LRRK2: variants seen among roughly 807,000 people sequenced by gnomAD.
LRRK2 encodes the protein leucine rich repeat kinase 2.
LRRK2 carries 203 observed loss-of-function variants against 302.6 expected under a neutral mutation model. That is an observed-to-expected ratio of 0.67 (90% confidence interval 0.60 to 0.75). The LOEUF is 0.75. Among genes scored for constraint, LRRK2 ranks in the 30% least tolerant of loss-of-function variants. LRRK2 has a pLI of 0.00. For missense variants in LRRK2, 2,830 were observed against 2,951.0 expected, an observed-to-expected ratio of 0.96 and a Z score of 0.95; for synonymous variants, 1,066 against 1,031.9, an observed-to-expected ratio of 1.03 and a Z score of -0.63.
chr12:40,359,430 A>C lies in LRRK2; in HGVS notation c.7014A>C (p.Thr2338=). The change falls in exon 47 of 51, where the codon ACA becomes ACC. Residue 2338 remains threonine, a synonymous_variant. Coordinates refer to ENST00000298910, the MANE Select transcript of LRRK2 (RefSeq NM_198578.4). ...NDFTIQKLIE[T]RTSQLFSYAA... ...TCACCATTCAGAAACTCATTGAGACAAGAACAAGCCAACTGTAAGTTATTT... is the reference window on the plus strand; with the variant it reads ...TCACCATTCAGAAACTCATTGAGACCAGAACAAGCCAACTGTAAGTTATTT... The C allele has an allele frequency of 6.2e-7, 1 of 1,613,148 alleles. No individual in the cohort carries two copies. Among genetic ancestry groups the C allele is most frequent in the Non-Finnish European group, 8.5e-7 (1 of 1,179,438 alleles).
intron 11 of LRRK2, among the ~76,000 whole-genome samples, chr12:40,256,305 C>A (rs1403758813): frequency 6.6e-6 from 1 of 152,000 alleles, no homozygotes; most frequent in Admixed American, 6.6e-5. Flanking sequence ...AAAAATTAGC[C>A]AGGCATGGTG....
chr12:40,251,183 A>G lies in LRRK2; in HGVS notation c.959-49A>G. The G allele has an allele frequency of 2.4e-6, 3 of 1,255,320 alleles. No homozygotes were observed. The South Asian group carries it at 4.2e-5, about 17-fold the overall frequency. 77.8% of individuals were successfully genotyped at this position (1,255,320 alleles called of 1,614,324 possible). On this transcript the variant is annotated intron_variant, in intron 8 of 50. Transcript: ENST00000298910. ...GGACTTAGAGTTGGTCAAACTGTTAAGTAGATAATATATATAATGTTTTTA... is the reference window on the plus strand; with the variant it reads ...GGACTTAGAGTTGGTCAAACTGTTAGGTAGATAATATATATAATGTTTTTA...
chr12:40,239,392 G>A lies in LRRK2; in HGVS notation c.572-1091G>A, dbSNP rs1021748541. 3.9e-5 allele frequency among the ~76,000 whole-genome samples: 6 copies of A among 152,106 alleles called. No individual in the cohort carries two copies. In the East Asian group the frequency reaches 1.2e-3, roughly 29 times the overall value. On this transcript the variant is annotated intron_variant, in intron 5 of 50. Transcript: ENST00000298910. ...CGATGACAATTAGGATAAAGTTTGA[G>A]GTTCTATTGTCTTGCAGGGTCTGTA...
intron 14 of LRRK2, among the ~76,000 whole-genome samples, chr12:40,271,523 A>G (rs1441268728): frequency 6.6e-6 from 1 of 152,176 alleles, no homozygotes; most frequent in Non-Finnish European, 1.5e-5. Flanking sequence ...TTCTGTTGGC[A>G]TCTCCAGAGT....
At chr12:40,277,219 A>G (rs1219193981) in intron 16 of LRRK2, among the ~76,000 whole-genome samples, 1 of 152,200 alleles carries the variant, frequency 6.6e-6, no homozygotes, top group Non-Finnish European at 1.5e-5. Context: ...ACTAAAGTCA[A>G]AAGCCCAATC....
chr12:40,234,307 A>G (rs2136404039), intron 3 of LRRK2, among the ~76,000 whole-genome samples: 1 of 150,994 alleles, frequency 6.6e-6, no homozygotes, highest in South Asian at 2.1e-4. Flanking sequence ...TTTTGGGATT[A>G]ATAACATAGG....
intron 44 of LRRK2, among the ~76,000 whole-genome samples, chr12:40,352,715 C>A (rs1013155060): frequency 3.3e-5 from 5 of 150,254 alleles, no homozygotes; most frequent in African/African-American, 9.8e-5. Flanking sequence ...CATCTTGCAC[C>A]GCCCTTAATC....
At chr12:40,260,717 A>G (rs763413724) in intron 13 of LRRK2, among the ~76,000 whole-genome samples, 5 of 152,168 alleles carry the variant, frequency 3.3e-5, no homozygotes, top group Non-Finnish European at 5.9e-5. Flanking sequence ...ACTAGATACA[A>G]GGAGATTGGG....
intron 44 of LRRK2, among the ~76,000 whole-genome samples, chr12:40,353,441 C>A (rs565933709): frequency 2.0e-5 from 3 of 150,670 alleles, no homozygotes; most frequent in Non-Finnish European, 3.0e-5. Flanking sequence ...CGGGCAGAGC[C>A]GCTCATCACT....
chr12:40,336,603 T>C (rs183899359), intron 40 of LRRK2, among the ~76,000 whole-genome samples: 85 of 152,342 alleles, frequency 5.6e-4, no homozygotes, highest in Admixed American at 1.4e-3. Flanking sequence ...ACTTTCCTTC[T>C]CTTCTTTCTC....
At chr12:40,226,964 G>A (rs1268193436) in intron 2 of LRRK2, among the ~76,000 whole-genome samples, 1 of 152,048 alleles carries the variant, frequency 6.6e-6, no homozygotes, top group Non-Finnish European at 1.5e-5. Context: ...CTGGGTAGGC[G>A]TTTTGGTCTG....
chr12:40,322,585 A>T (rs890125812), intron 37 of LRRK2, 75 bp downstream of exon 37: 1 of 1,331,160 alleles, frequency 7.5e-7, no homozygotes, highest in Non-Finnish European at 1.1e-6. Context: ...AATAAATGTA[A>T]ATATTCTTAT....
chr12:40,243,705 A>T (rs770840268), intron 7 of LRRK2, 24 bp downstream of exon 7: 16 of 1,605,866 alleles, frequency 1.0e-5, no homozygotes, highest in Non-Finnish European at 1.3e-5. Flanking sequence ...TTAATATGTC[A>T]TCACACACTG....
At chr12:40,259,437 T>C in intron 12 of LRRK2, 43 bp from the exon 13 acceptor site, 1 of 1,611,482 alleles carries the variant, frequency 6.2e-7, no homozygotes, top group Non-Finnish European at 8.5e-7. Flanking sequence ...TACCATTGAA[T>C]CAGATCAGTC....
At chr12:40,265,144 A>G (rs1942952482) in intron 14 of LRRK2, among the ~76,000 whole-genome samples, 1 of 152,204 alleles carries the variant, frequency 6.6e-6, no homozygotes, top group Non-Finnish European at 1.5e-5. Flanking sequence ...ACTTTAATAC[A>G]ATCCTTGAGT....
chr12:40,247,672 A>T (rs1189550112), intron 7 of LRRK2, among the ~76,000 whole-genome samples: 14 of 79,720 alleles, frequency 1.8e-4, no homozygotes, highest in Admixed American at 3.2e-4. Context: ...ACAAATATAA[A>T]TATATACATT....
chr12:40,275,851 A>G (rs963589323), intron 16 of LRRK2, among the ~76,000 whole-genome samples: 9 of 151,910 alleles, frequency 5.9e-5, no homozygotes, highest in African/African-American at 1.5e-4. Context: ...GTCTCAAGCA[A>G]TCTGTCCTGC....
At chr12:40,333,546 C>A (rs1945777826) in intron 39 of LRRK2, among the ~76,000 whole-genome samples, 1 of 152,114 alleles carries the variant, frequency 6.6e-6, no homozygotes, top group Non-Finnish European at 1.5e-5. Flanking sequence ...TGAAGTCTCA[C>A]ATGATGTGGG....
intron 30 of LRRK2, 129 bp downstream of exon 30, chr12:40,309,362 A>G: frequency 8.1e-7 from 1 of 1,227,438 alleles, no homozygotes; most frequent in South Asian, 1.6e-5. Context: ...TTCTTAAAAG[A>G]AGCACTAAAA....
Sources: gnomAD v4.1 joint callset for allele counts (sites outside exome capture counted in the v4.1 genomes callset) on GRCh38, gnomAD v4.1.1 for gene constraint, MANE v1.5 for transcripts, NCBI Gene and HGNC (gene_info 2026-07-23, HGNC 2026-07-21) for gene names.